The following CHID1 variants were observed in gnomAD, a reference collection of about 807,000 sequenced individuals.
CHID1 encodes chitinase domain containing 1, also known as chitinase domain-containing protein 1.
CHID1 carries 44 observed loss-of-function variants against 55.4 expected under a neutral mutation model. The observed-to-expected ratio is 0.79, with a 90% CI of 0.62 to 1.02. The LOEUF is 1.02. Among genes scored for constraint, CHID1 ranks in the 50% least tolerant of loss-of-function variants. The probability of loss-of-function intolerance (pLI) is 0.00; values close to 1 mark genes in which losing one functional copy is unlikely to be tolerated. For synonymous variants in CHID1, 216 were observed against 212.9 expected (o/e 1.01, Z -0.13); for missense variants, 491 against 515.3 (o/e 0.95, Z 0.46).
At chr11:895,881 G>C (rs575334158) in intron 7 of CHID1, among the ~76,000 whole-genome samples, 1 of 151,984 alleles carries the variant, frequency 6.6e-6, no homozygotes, top group Non-Finnish European at 1.5e-5. Flanking sequence ...GGCAGCTCCC[G>C]ACCTTCCTGC....
intron 6 of CHID1, 85 bp downstream of exon 6, chr11:899,919 G>C: frequency 1.1e-6 from 1 of 907,950 alleles, no homozygotes; most frequent in South Asian, 1.4e-5. Context: ...AAAGCCGAGT[G>C]GAGGCCTCGC....
In CHID1 at chr11:869,797, C is replaced by G. The variant is rs1849038183; in HGVS notation, c.*61G>C. 2 of 1,456,236 alleles carry G rather than the reference C, an allele frequency of 1.4e-6. No homozygotes were observed. The highest frequency in any genetic ancestry group is 3.4e-5 in the Admixed American group (2 of 59,640). 90.2% of individuals were successfully genotyped at this position (1,456,236 alleles called of 1,614,324 possible). On this transcript the variant is annotated 3_prime_UTR_variant, in exon 13 of 13. Transcript: ENST00000323578. Reference sequence around the variant, plus strand: ...CGGAGTGGAGGCCTGTATTTCACACCTGCTCACTCACTCCATGGCTTAGAA... The same window carrying G: ...CGGAGTGGAGGCCTGTATTTCACACGTGCTCACTCACTCCATGGCTTAGAA...
chr11:897,146 C>CA (rs34333181), intron 7 of CHID1, among the ~76,000 whole-genome samples: 2,154 of 55,544 alleles, frequency 0.039, 2 homozygotes, highest in South Asian at 0.076. Context: ...GCCTCCACCC[C>CA]GACACGAGCC....
intron 2 of CHID1, among the ~76,000 whole-genome samples, chr11:903,970 C>T (rs927160962): frequency 1.3e-5 from 2 of 152,098 alleles, no homozygotes; most frequent in Non-Finnish European, 2.9e-5. Context: ...TCAACCACTG[C>T]CTGCCACCCC....
intron 10 of CHID1, among the ~76,000 whole-genome samples, chr11:876,093 A>G (rs565741746): frequency 6.6e-6 from 1 of 152,266 alleles, no homozygotes; most frequent in Admixed American, 6.5e-5. Flanking sequence ...ACAAGGCGAG[A>G]ACAGAGGGTG....
chr11:910,959 G>A, upstream of CHID1: 1 of 389,790 alleles, frequency 2.6e-6, no homozygotes, highest in Non-Finnish European at 3.5e-6. Flanking sequence ...CCGGGGCCGG[G>A]GCCGGGGCGG....
upstream of CHID1, chr11:910,964 G>GGGCGGGGCCGC (rs1271796365): frequency 3.1e-6 from 1 of 320,060 alleles, no homozygotes; most frequent in Non-Finnish European, 4.5e-6. Context: ...GCCGGGGCCG[G>GGGCGGGGCCGC]GGCGGGGCCG....
At position 884,054 on chromosome 11, in the gene CHID1, A is replaced by G. The variant is rs763110955; in HGVS notation, c.803+14T>C. ...AGTTTGCTGTGCCCAGGAGCCCCCC[A>G]AGCCCACACTCACTGATGCGCTGTA... On this transcript the variant is annotated intron_variant, in intron 9 of 12. Coordinates refer to ENST00000323578, the MANE Select transcript of CHID1 (RefSeq NM_023947.4). 32 of 1,606,638 alleles carry G rather than the reference A, an allele frequency of 2.0e-5. No individual in the cohort carries two copies. The highest frequency in any genetic ancestry group is 2.7e-5 in the African/African-American group (2 of 74,764).
Position 883,382 on chromosome 11 carries a change from G to A in CHID1, c.804-79C>T, listed in dbSNP as rs1024087306. Reference sequence around the variant, plus strand: ...GCCATCATTGGGGCCCTCCACTGAGGGGTGCATCCTCCCCATGCTGCGGCT... The same window carrying A: ...GCCATCATTGGGGCCCTCCACTGAGAGGTGCATCCTCCCCATGCTGCGGCT... On this transcript the variant is annotated intron_variant, in intron 9 of 12. Transcript: ENST00000323578. 2.1e-6 allele frequency: 3 copies of A among 1,411,428 alleles called. No homozygotes were observed. In the African/African-American group the frequency reaches 4.3e-5, roughly 20 times the overall value. 87.4% of individuals were successfully genotyped at this position (1,411,428 alleles called of 1,614,324 possible). A position where few individuals can be genotyped will look rare whatever the true frequency, so the allele number is the denominator to read the frequency against.
intron 8 of CHID1, among the ~76,000 whole-genome samples, chr11:885,912 G>A (rs1041515669): frequency 1.3e-5 from 2 of 152,150 alleles, no homozygotes; most frequent in Non-Finnish European, 2.9e-5. Context: ...CAGCACTTTG[G>A]GAGGCCGAGA....
chr11:902,878 C>T, intron 3 of CHID1, 84 bp downstream of exon 3: 1 of 1,310,540 alleles, frequency 7.6e-7, no homozygotes. Flanking sequence ...CCATCACTGA[C>T]TGGCCAGAAG....
At chr11:882,553 G>A (rs1343448231) in intron 10 of CHID1, 1 of 152,706 alleles carries the variant, frequency 6.5e-6, no homozygotes, top group Admixed American at 6.5e-5. Flanking sequence ...CAATAAAATT[G>A]TTCAAAACCA....
At position 899,412 on chromosome 11, in the gene CHID1, C is replaced by A; in HGVS notation, c.547-11G>T. 6.3e-7 allele frequency: 1 copy of A among 1,594,870 alleles called. No homozygotes were observed. Among genetic ancestry groups the A allele is most frequent in the African/African-American group, 1.3e-5 (1 of 74,866 alleles). On this transcript the variant is annotated splice_polypyrimidine_tract_variant and intron_variant, in intron 6 of 12. Transcript: ENST00000323578. ...ATCGAAATGCTGGTTCTGAAAGAAG[C>A]AGTCACAGGTGAGGAGGGCCTGGAG...
upstream of CHID1, among the ~76,000 whole-genome samples, chr11:913,771 A>G (rs1852814423): frequency 7.8e-6 from 1 of 128,692 alleles, no homozygotes; most frequent in African/African-American, 2.9e-5. Context: ...AGACTCTGTT[A>G]AAAAAAAAAA....
intron 7 of CHID1, among the ~76,000 whole-genome samples, chr11:894,398 C>T (rs578078267): frequency 3.3e-5 from 5 of 152,180 alleles, no homozygotes; most frequent in Admixed American, 6.5e-5. Context: ...CCTCCTAGCA[C>T]GGCCTAGGAG....
chr11:887,251 C>T (rs1185777222), intron 8 of CHID1, among the ~76,000 whole-genome samples: 1 of 152,160 alleles, frequency 6.6e-6, no homozygotes, highest in African/African-American at 2.4e-5. Flanking sequence ...TGGTCTCAAA[C>T]TCCTGGGCTC....
chr11:902,641 G>A (rs1851902408), intron 3 of CHID1, among the ~76,000 whole-genome samples: 1 of 149,392 alleles, frequency 6.7e-6, no homozygotes, highest in South Asian at 2.1e-4. Flanking sequence ...AGGAGGCTGG[G>A]TGTGAGAACC....
chr11:871,379 A>G (rs2134103141), intron 10 of CHID1, among the ~76,000 whole-genome samples: 1 of 152,212 alleles, frequency 6.6e-6, no homozygotes, highest in Admixed American at 6.5e-5. Context: ...CCTGAGCACC[A>G]AGAGTCAGTG....
intron 10 of CHID1, among the ~76,000 whole-genome samples, chr11:873,328 C>T (rs1474231927): frequency 2.0e-5 from 3 of 152,086 alleles, no homozygotes; most frequent in African/African-American, 7.2e-5. Context: ...GCCATCCAGG[C>T]TGGTAACTGG....
Sources: allele counts gnomAD v4.1 joint callset (sites outside exome capture counted in the v4.1 genomes callset), GRCh38; gene constraint gnomAD v4.1.1; transcripts MANE v1.5; gene names NCBI Gene and HGNC (gene_info 2026-07-23, HGNC 2026-07-21).